The following PRKAA1 variants were observed in gnomAD, a reference collection of about 807,000 sequenced individuals.
PRKAA1 encodes the protein 5'-AMP-activated protein kinase catalytic subunit alpha-1.
In PRKAA1, 23 loss-of-function variants were observed where a neutral mutation model predicts 56.9. The ratio of observed to expected loss-of-function variants is 0.40; its 90% CI spans 0.29 to 0.57. The LOEUF (loss-of-function observed/expected upper bound fraction) is 0.57, where lower values mean the gene tolerates loss of function less well. Among genes scored for constraint, PRKAA1 ranks in the 20% least tolerant of loss-of-function variants. The pLI, the probability that PRKAA1 is intolerant of heterozygous loss-of-function variation, is 0.39. For synonymous variants in PRKAA1, 226 were observed against 227.0 expected (o/e 1.00, Z 0.04); for missense variants, 413 against 679.7 (o/e 0.61, Z 4.36).
At chr5:40,771,002 T>G (rs1176124655) in intron 4 of PRKAA1, among the ~76,000 whole-genome samples, 1 of 152,104 alleles carries the variant, frequency 6.6e-6, no homozygotes, top group Non-Finnish European at 1.5e-5. Flanking sequence ...AAAATTGTTT[T>G]AAATAATTTT....
chr5:40,790,726 G>A (rs1024919497), intron 1 of PRKAA1, among the ~76,000 whole-genome samples: 1 of 152,026 alleles, frequency 6.6e-6, no homozygotes, highest in African/African-American at 2.4e-5. Flanking sequence ...TTTTAGTAGA[G>A]ATGGGGTTTC....
At chr5:40,774,549 A>ACTTTTTTTT (rs1554031839) in intron 3 of PRKAA1, among the ~76,000 whole-genome samples, 6 of 125,080 alleles carry the variant, frequency 4.8e-5, no homozygotes, top group Non-Finnish European at 6.7e-5. Flanking sequence ...TCCAGGCAGA[A>ACTTTTTTTT]TTTTTTTTTT....
At chr5:40,779,487 G>C (rs1269556278) in intron 1 of PRKAA1, among the ~76,000 whole-genome samples, 1 of 152,114 alleles carries the variant, frequency 6.6e-6, no homozygotes, top group Non-Finnish European at 1.5e-5. Context: ...ATTTTTGCAA[G>C]CATAAATACT....
chr5:40,773,005 T>C (rs1403197788), intron 3 of PRKAA1, among the ~76,000 whole-genome samples: 1 of 152,160 alleles, frequency 6.6e-6, no homozygotes, highest in East Asian at 1.9e-4. Context: ...GTGACAGCCA[T>C]TACTTGGACA....
chr5:40,767,397 T>C, intron 6 of PRKAA1, 69 bp downstream of exon 6: 1 of 653,412 alleles, frequency 1.5e-6, no homozygotes, highest in Non-Finnish European at 2.2e-6. Flanking sequence ...GTTCTGCAAC[T>C]TTTTTTTTTT....
At chr5:40,769,605 C>A (rs1743625848) in intron 4 of PRKAA1, 102 bp from the exon 5 acceptor site, 1 of 970,036 alleles carries the variant, frequency 1.0e-6, no homozygotes, top group Non-Finnish European at 1.6e-6. Flanking sequence ...GATAAATCAT[C>A]ATTTTGTTAT....
At chr5:40,796,886 C>G (rs758725147) in intron 1 of PRKAA1, among the ~76,000 whole-genome samples, 2 of 152,062 alleles carry the variant, frequency 1.3e-5, no homozygotes, top group African/African-American at 2.4e-5. Flanking sequence ...GCAAGTCAGT[C>G]TATTATTTAT....
chr5:40,787,744 A>G (rs971129460), intron 1 of PRKAA1, among the ~76,000 whole-genome samples: 4 of 152,114 alleles, frequency 2.6e-5, no homozygotes, highest in African/African-American at 7.2e-5. Flanking sequence ...ACAGAAAGCA[A>G]TCGAGCCACA....
intron 3 of PRKAA1, among the ~76,000 whole-genome samples, chr5:40,774,228 T>C (rs373609358): frequency 1.5e-4 from 23 of 152,116 alleles, no homozygotes; most frequent in African/African-American, 4.8e-4. Context: ...AGAAGGGCCA[T>C]GCATCAAAGA....
rs1579739726 is a variant in PRKAA1, at chr5:40,779,704, G to A, written c.128-2118C>T. 2.0e-5 allele frequency among the ~76,000 whole-genome samples: 3 copies of A among 152,212 alleles called. 1 individual carries two copies. The Middle Eastern group carries it at 0.01, about 518-fold the overall frequency. Reference sequence around the variant, plus strand: ...TCAAAAACTGCAATGGGTCACTACCGTTTGCACAAAAACTGCAATAGAGTC... The same window carrying A: ...TCAAAAACTGCAATGGGTCACTACCATTTGCACAAAAACTGCAATAGAGTC... On this transcript the variant is annotated intron_variant, in intron 1 of 8. Transcript: ENST00000397128.
At chr5:40,765,265 GA>G (rs781152360) in intron 6 of PRKAA1, 27 bp from the exon 7 acceptor site, 1 of 1,582,592 alleles carries the variant, frequency 6.3e-7, no homozygotes, top group East Asian at 2.2e-5. Context: ...AGGATCAGGA[GA>G]AGGACTTTGA....
intron 1 of PRKAA1, among the ~76,000 whole-genome samples, chr5:40,781,599 T>C (rs1364792989): frequency 1.3e-5 from 2 of 152,042 alleles, no homozygotes; most frequent in African/African-American, 4.8e-5. Flanking sequence ...ATGTAAGAAA[T>C]TAAGCTTTAG....
rs1052994948 is a variant in PRKAA1, at chr5:40,762,509, T to C, written c.*269A>G. 1 of 366,210 alleles carries C rather than the reference T, an allele frequency of 2.7e-6. No homozygotes were observed. The highest frequency in any genetic ancestry group is 2.0e-5 in the African/African-American group (1 of 48,784). The allele number at this position is 366,210 out of a possible 1,614,324, so 22.7% of individuals were successfully genotyped here. On this transcript the variant is annotated 3_prime_UTR_variant, in exon 9 of 9. Coordinates refer to ENST00000397128, the MANE Select transcript of PRKAA1 (RefSeq NM_006251.6). ...AGCCCTGTGTACACTAAATATAAAA[T>C]AGCCAAAAATCAAGTAAGCCTGAGA...
intron 8 of PRKAA1, 60 bp from the exon 9 acceptor site, chr5:40,763,082 ACAG>A: frequency 6.4e-7 from 1 of 1,572,690 alleles, no homozygotes; most frequent in African/African-American, 1.4e-5. Flanking sequence ...AATTTTTGTA[ACAG>A]TATTGAATTT....
intron 1 of PRKAA1, among the ~76,000 whole-genome samples, chr5:40,796,840 C>T (rs1259501033): frequency 1.3e-5 from 2 of 152,106 alleles, no homozygotes. Context: ...AACTTTTTTT[C>T]TTTCAAGTCA....
intron 1 of PRKAA1, among the ~76,000 whole-genome samples, chr5:40,780,430 A>G (rs1269605087): frequency 1.3e-5 from 2 of 152,202 alleles, no homozygotes; most frequent in Admixed American, 1.3e-4. Flanking sequence ...AATTCTCGAC[A>G]GACAGCATTC....
Position 40,798,121 on chromosome 5 carries a change from C to T in PRKAA1, c.69G>A (p.Lys23=), listed in dbSNP as rs1396044431. The change falls in exon 1 of 9, where the codon AAG becomes AAA. Residue 23 remains lysine (K), a synonymous_variant. Coordinates refer to ENST00000397128, the MANE Select transcript of PRKAA1 (RefSeq NM_006251.6). ...TGTCACCCAGAATGTAGTGGCCGATCTTCACCCGCCCGTCGTGTTTCTGCT... is the reference window on the plus strand; with the variant it reads ...TGTCACCCAGAATGTAGTGGCCGATTTTCACCCGCCCGTCGTGTTTCTGCT... The part of the protein sequence containing the change: ...AEKQKHDGRV[K]IGHYILGDTL... The T allele has an allele frequency of 6.2e-7, 1 of 1,607,234 alleles. No homozygotes were observed. Among genetic ancestry groups the T allele is most frequent in the Non-Finnish European group, 8.5e-7 (1 of 1,176,232 alleles).
intron 1 of PRKAA1, among the ~76,000 whole-genome samples, chr5:40,779,453 C>A (rs1395222000): frequency 1.3e-5 from 2 of 152,032 alleles, no homozygotes; most frequent in Non-Finnish European, 2.9e-5. Context: ...CCCCTTTACA[C>A]AATAAAATAG....
At chr5:40,788,795 C>A (rs1040117779) in intron 1 of PRKAA1, among the ~76,000 whole-genome samples, 4 of 151,958 alleles carry the variant, frequency 2.6e-5, no homozygotes, top group Non-Finnish European at 5.9e-5. Flanking sequence ...CCATTGCACT[C>A]CAGCCTGGGT....
Sources: allele counts gnomAD v4.1 joint callset (sites outside exome capture counted in the v4.1 genomes callset), GRCh38; gene constraint gnomAD v4.1.1; transcripts MANE v1.5; gene names NCBI Gene and HGNC (gene_info 2026-07-23, HGNC 2026-07-21).